SLC25A21: variants seen among roughly 807,000 people sequenced by gnomAD.
SLC25A21 encodes the protein solute carrier family 25 member 21.
SLC25A21 carries 47 observed loss-of-function variants against 43.8 expected under a neutral mutation model. The observed-to-expected ratio is 1.07, with a 90% CI of 0.85 to 1.37. The LOEUF (loss-of-function observed/expected upper bound fraction) is 1.37, where lower values mean the gene tolerates loss of function less well. Ranked by LOEUF, SLC25A21 falls within the 40% of genes most tolerant of loss-of-function variation. The probability of loss-of-function intolerance (pLI) is 0.00; values close to 1 mark genes in which losing one functional copy is unlikely to be tolerated. For missense variants in SLC25A21, 352 were observed against 350.2 expected (o/e 1.00, Z -0.04); for synonymous variants, 131 against 121.3 (o/e 1.08, Z -0.52).
intron 5 of SLC25A21, 42 bp from the exon 6 acceptor site, chr14:36,725,719 A>G (rs1478438417): frequency 3.0e-6 from 4 of 1,349,024 alleles, no homozygotes; most frequent in Non-Finnish European, 4.1e-6. Flanking sequence ...ACAAGTTATC[A>G]TGTGTATGGG....
chr14:36,905,682 G>A (rs1275725911), intron 1 of SLC25A21, among the ~76,000 whole-genome samples: 2 of 152,088 alleles, frequency 1.3e-5, no homozygotes, highest in East Asian at 1.9e-4. Flanking sequence ...TGTGCACAGA[G>A]GTCTGAAGGA....
chr14:37,066,962 T>C (rs1962073595), intron 1 of SLC25A21, among the ~76,000 whole-genome samples: 2 of 152,072 alleles, frequency 1.3e-5, no homozygotes, highest in East Asian at 1.9e-4. Flanking sequence ...AATCTAGACA[T>C]AGATGAGGGA....
Position 36,889,209 on chromosome 14 carries a change from C to A in SLC25A21, c.71-14205G>T, listed in dbSNP as rs535144429. ...GAGGGAGAAGGTTGACTCCATTTCA[C>A]AGATTCCTTTTATAGGCAGCCATAT... On this transcript the variant is annotated intron_variant, in intron 1 of 9. Transcript: ENST00000331299. 9.5e-4 allele frequency among the ~76,000 whole-genome samples: 144 copies of A among 152,276 alleles called. 1 individual carries two copies. The highest frequency in any genetic ancestry group is 2.6e-3 in the Admixed American group (40 of 15,282).
chr14:36,849,389 A>C (rs1889651517), intron 2 of SLC25A21, among the ~76,000 whole-genome samples: 1 of 152,220 alleles, frequency 6.6e-6, no homozygotes, highest in Admixed American at 6.5e-5. Flanking sequence ...TGATTCAACA[A>C]ATCCGATGTT....
intron 1 of SLC25A21, among the ~76,000 whole-genome samples, chr14:36,964,105 C>T (rs73254296): frequency 0.11 from 16,317 of 152,166 alleles, 2,422 homozygotes; most frequent in African/African-American, 0.33. Flanking sequence ...ATTACTTTCT[C>T]ATAAATACTA....
At chr14:36,992,677 C>CT (rs913220120) in intron 1 of SLC25A21, among the ~76,000 whole-genome samples, 36 of 151,612 alleles carry the variant, frequency 2.4e-4, no homozygotes, top group African/African-American at 6.0e-4. Context: ...AAAATCATAA[C>CT]TTTTTTTTTC....
chr14:37,140,495 T>C (rs1963552141), intron 1 of SLC25A21, among the ~76,000 whole-genome samples: 1 of 152,122 alleles, frequency 6.6e-6, no homozygotes, highest in Non-Finnish European at 1.5e-5. Context: ...ACCTATAAAA[T>C]GAGGCTTATC....
Position 36,914,525 on chromosome 14 carries a change from C to T in SLC25A21, c.71-39521G>A, listed in dbSNP as rs1013148360. Among the ~76,000 whole-genome samples, 26 of 152,110 alleles carry T rather than the reference C, an allele frequency of 1.7e-4. 1 individual carries two copies. The highest frequency in any genetic ancestry group is 4.4e-5 in the Non-Finnish European group (3 of 68,002). On this transcript the variant is annotated intron_variant, in intron 1 of 9. Transcript: ENST00000331299. ...CATAGGGTAATAAATTTTTTTCCTT[C>T]ATCTTGTTTGATCTTTGATATTTAA...
intron 1 of SLC25A21, among the ~76,000 whole-genome samples, chr14:36,895,250 C>CTTCCTAG (rs1891204729): frequency 6.6e-6 from 1 of 152,194 alleles, no homozygotes; most frequent in African/African-American, 2.4e-5. Flanking sequence ...GATTCAACTT[C>CTTCCTAG]TTCCTAGTTT....
chr14:36,734,625 A>G, intron 3 of SLC25A21, 52 bp from the exon 4 acceptor site: 1 of 1,384,396 alleles, frequency 7.2e-7, no homozygotes, highest in Non-Finnish European at 1.0e-6. Flanking sequence ...GGCAACAAGT[A>G]TTTCTGACTT....
At chr14:36,698,607 C>CT (rs1196004104) in intron 7 of SLC25A21, among the ~76,000 whole-genome samples, 1 of 152,082 alleles carries the variant, frequency 6.6e-6, no homozygotes, top group African/African-American at 2.4e-5. Context: ...AGGCTTTCTT[C>CT]TTTTCTTTTT....
chr14:36,830,106 C>G (rs1444226931), intron 2 of SLC25A21, among the ~76,000 whole-genome samples: 10 of 152,080 alleles, frequency 6.6e-5, no homozygotes, highest in Non-Finnish European at 1.0e-4. Flanking sequence ...ATAGAAATAA[C>G]CACAGAATCA....
chr14:36,851,819 G>T (rs1419422327), intron 2 of SLC25A21, among the ~76,000 whole-genome samples: 1 of 152,096 alleles, frequency 6.6e-6, no homozygotes, highest in Admixed American at 6.6e-5. Context: ...CCCTATGAAA[G>T]GTTGCTTGAT....
At chr14:36,931,632 GT>G (rs2138637189) in intron 1 of SLC25A21, among the ~76,000 whole-genome samples, 1 of 152,254 alleles carries the variant, frequency 6.6e-6, no homozygotes, top group Non-Finnish European at 1.5e-5. Flanking sequence ...CATTATTGGG[GT>G]TACGTGTTAG....
intron 3 of SLC25A21, 50 bp from the exon 4 acceptor site, chr14:36,734,623 G>T: frequency 7.1e-7 from 1 of 1,402,804 alleles, no homozygotes; most frequent in Non-Finnish European, 9.9e-7. Context: ...TAGGCAACAA[G>T]TATTTCTGAC....
Position 37,158,588 on chromosome 14 carries a change from A to G in SLC25A21, c.70+13693T>C, listed in dbSNP as rs185616203. On this transcript the variant is annotated intron_variant, in intron 1 of 9. Coordinates refer to ENST00000331299, the MANE Select transcript of SLC25A21 (RefSeq NM_030631.4). ...CATATAAGGAACATACCTCAAAAAAATAAAGGTCATGTATGACAAACTCAT... is the reference window on the plus strand; with the variant it reads ...CATATAAGGAACATACCTCAAAAAAGTAAAGGTCATGTATGACAAACTCAT... Among the ~76,000 whole-genome samples, 86 of 152,304 alleles carry G rather than the reference A, an allele frequency of 5.6e-4. 1 individual carries two copies. Among genetic ancestry groups the G allele is most frequent in the African/African-American group, 2.1e-3 (86 of 41,572 alleles).
At position 36,759,916 on chromosome 14, in the gene SLC25A21, C is replaced by T. The variant is rs569701552; in HGVS notation, c.204-25343G>A. 2.0e-5 allele frequency among the ~76,000 whole-genome samples: 3 copies of T among 152,108 alleles called. 1 individual carries two copies. Among genetic ancestry groups the T allele is most frequent in the African/African-American group, 7.2e-5 (3 of 41,516 alleles). ...CCAGGAGGCGGAGATTGCAGTGAGC[C>T]GAGATCACGTCACTGCACTCCAGCC... On this transcript the variant is annotated intron_variant, in intron 3 of 9. Coordinates refer to ENST00000331299, the MANE Select transcript of SLC25A21 (RefSeq NM_030631.4).
At chr14:37,094,585 C>A (rs910749783) in intron 1 of SLC25A21, among the ~76,000 whole-genome samples, 1 of 152,124 alleles carries the variant, frequency 6.6e-6, no homozygotes, top group African/African-American at 2.4e-5. Context: ...TACACATACA[C>A]ATACATACTT....
chr14:36,840,682 C>T (rs574613974), intron 2 of SLC25A21, among the ~76,000 whole-genome samples: 42 of 152,272 alleles, frequency 2.8e-4, no homozygotes, highest in Admixed American at 1.7e-3. Context: ...AAAGTTTTCC[C>T]GTTTAATATT....
Sources: gnomAD v4.1 joint callset for allele counts (sites outside exome capture counted in the v4.1 genomes callset) on GRCh38, gnomAD v4.1.1 for gene constraint, MANE v1.5 for transcripts, NCBI Gene and HGNC (gene_info 2026-07-23, HGNC 2026-07-21) for gene names.